Variants in MNAT1 observed in about 807,000 individuals in gnomAD.
The protein encoded by MNAT1 is CDK-activating kinase assembly factor MAT1.
A neutral mutation model predicts 42.0 loss-of-function variants in MNAT1; 43 were observed. The ratio of observed to expected loss-of-function variants is 1.02; its 90% confidence interval spans 0.80 to 1.32. The LOEUF is 1.32. MNAT1 is among the 40% of genes most tolerant of loss of function. MNAT1 has a pLI of 0.00. For missense variants in MNAT1, 306 were observed against 350.4 expected, an observed-to-expected ratio of 0.87 and a Z score of 1.01; for synonymous variants, 118 against 120.0, an observed-to-expected ratio of 0.98 and a Z score of 0.11.
chr14:60,894,720 G>A (rs368030224), intron 7 of MNAT1, among the ~76,000 whole-genome samples: 2 of 152,176 alleles, frequency 1.3e-5, no homozygotes, highest in South Asian at 2.1e-4. Flanking sequence ...GGTGGTGGTA[G>A]GGCCTTCATC....
chr14:60,958,269 T>C (rs1232154263), intron 7 of MNAT1, among the ~76,000 whole-genome samples: 2 of 152,240 alleles, frequency 1.3e-5, no homozygotes, highest in East Asian at 1.9e-4. Context: ...TTGTCCCTCA[T>C]TGGTGAAGGA....
intron 7 of MNAT1, among the ~76,000 whole-genome samples, chr14:60,934,650 T>C (rs562479248): frequency 6.6e-5 from 10 of 152,374 alleles, no homozygotes; most frequent in South Asian, 2.1e-4. Context: ...CCCAGCCATG[T>C]AGAACTATAA....
chr14:60,872,676 T>C (rs1209065740), intron 6 of MNAT1, among the ~76,000 whole-genome samples: 1 of 152,112 alleles, frequency 6.6e-6, no homozygotes, highest in Non-Finnish European at 1.5e-5. Context: ...ATAGCCATTT[T>C]TTTTTTCAAA....
At chr14:60,738,927 T>C (rs998677943) in intron 1 of MNAT1, among the ~76,000 whole-genome samples, 2 of 152,226 alleles carry the variant, frequency 1.3e-5, no homozygotes, top group Non-Finnish European at 2.9e-5. Flanking sequence ...TTTTATAATA[T>C]GCTTGTTAGT....
chr14:60,874,014 A>G (rs1283080347), intron 6 of MNAT1, among the ~76,000 whole-genome samples: 1 of 152,190 alleles, frequency 6.6e-6, no homozygotes, highest in African/African-American at 2.4e-5. Flanking sequence ...GCTTTCTTAT[A>G]AATTATTACA....
chr14:60,941,111 T>G (rs537598868), intron 7 of MNAT1, among the ~76,000 whole-genome samples: 8 of 152,312 alleles, frequency 5.3e-5, no homozygotes, highest in Non-Finnish European at 8.8e-5. Context: ...TTTCTAGTTT[T>G]TATGGTTTTT....
chr14:60,793,196 T>TTTGC (rs1387825912), intron 1 of MNAT1, among the ~76,000 whole-genome samples: 2 of 151,428 alleles, frequency 1.3e-5, no homozygotes, highest in Non-Finnish European at 2.9e-5. Context: ...GTTGTTGTTT[T>TTTGC]TTGCTTGTTT....
At chr14:60,792,130 C>T (rs1199438445) in intron 1 of MNAT1, among the ~76,000 whole-genome samples, 1 of 152,086 alleles carries the variant, frequency 6.6e-6, no homozygotes, top group Non-Finnish European at 1.5e-5. Context: ...TTCTAAAATG[C>T]ACCAGGTGTT....
intron 7 of MNAT1, among the ~76,000 whole-genome samples, chr14:60,882,212 C>A (rs2034566410): frequency 6.6e-6 from 1 of 151,836 alleles, no homozygotes; most frequent in African/African-American, 2.4e-5. Context: ...TTTTTCTACC[C>A]ATTAACCATC....
intron 6 of MNAT1, among the ~76,000 whole-genome samples, chr14:60,849,796 C>T (rs183285369): frequency 2.5e-4 from 38 of 151,836 alleles, no homozygotes; most frequent in South Asian, 1.9e-3. Context: ...ATTTTTTCTT[C>T]GGTAGGAGGT....
Position 60,742,432 on chromosome 14 carries a change from A to G in MNAT1, c.89+7481A>G, listed in dbSNP as rs77642333. Among the ~76,000 whole-genome samples, 26 of 152,240 alleles carry G rather than the reference A, an allele frequency of 1.7e-4. 1 individual carries two copies. In the East Asian group the frequency reaches 4.0e-3, roughly 24 times the overall value. On this transcript the variant is annotated intron_variant, in intron 1 of 7. Transcript: ENST00000261245. ...TATTATTAGTGGTTTCTTTCAGCAT[A>G]TCTTTTATTTGTATTTGTGATTTGT...
intron 6 of MNAT1, among the ~76,000 whole-genome samples, chr14:60,820,517 CATCTT>C (rs2032852184): frequency 6.7e-6 from 1 of 150,318 alleles, no homozygotes; most frequent in Non-Finnish European, 1.5e-5. Flanking sequence ...TACAAGAACT[CATCTT>C]AAGTCTTTTG....
intron 7 of MNAT1, among the ~76,000 whole-genome samples, chr14:60,883,881 A>G (rs1272483701): frequency 6.6e-6 from 1 of 152,118 alleles, no homozygotes; most frequent in Non-Finnish European, 1.5e-5. Context: ...CACTCTTGGC[A>G]TATAGAAATG....
chr14:60,962,461 C>G (rs1227831895), intron 7 of MNAT1, among the ~76,000 whole-genome samples: 1 of 152,164 alleles, frequency 6.6e-6, no homozygotes, highest in African/African-American at 2.4e-5. Context: ...GCACTACCAA[C>G]AACATTGTTC....
At chr14:60,760,071 A>T (rs887336467) in intron 1 of MNAT1, among the ~76,000 whole-genome samples, 4 of 152,190 alleles carry the variant, frequency 2.6e-5, no homozygotes, top group African/African-American at 9.6e-5. Context: ...TAAAGTTGCA[A>T]ACAGTTTTGG....
chr14:60,771,848 C>A (rs1467176479), intron 1 of MNAT1, among the ~76,000 whole-genome samples: 1 of 152,238 alleles, frequency 6.6e-6, no homozygotes, highest in East Asian at 1.9e-4. Flanking sequence ...ATGATGGGCA[C>A]CTAATGAATA....
At position 60,869,023 on chromosome 14, in the gene MNAT1, C is replaced by CATATATATATATATAT. The variant is rs1169429243; in HGVS notation, c.688-10688_688-10673dup. Among the ~76,000 whole-genome samples, 370 of 101,650 alleles carry CATATATATATATATAT rather than the reference C, an allele frequency of 3.6e-3. 3 individuals are homozygous for CATATATATATATATAT. The highest frequency in any genetic ancestry group is 0.018 in the Middle Eastern group (3 of 166). 66.7% of individuals were successfully genotyped at this position (101,650 alleles called of 152,430 possible). On this transcript the variant is annotated intron_variant, in intron 6 of 7. Transcript: ENST00000261245. ...CTTTTTTATATTGTGTTATTTTATA[C>CATATATATATATATAT]ATATATATATATATATATTTTTTTT...
chr14:60,947,733 T>C (rs1391384992), intron 7 of MNAT1, among the ~76,000 whole-genome samples: 1 of 152,186 alleles, frequency 6.6e-6, no homozygotes, highest in Non-Finnish European at 1.5e-5. Flanking sequence ...TTTTAGTTAG[T>C]TTGAAAATCA....
intron 7 of MNAT1, among the ~76,000 whole-genome samples, chr14:60,918,410 G>C (rs180744123): frequency 6.6e-6 from 1 of 150,548 alleles, no homozygotes; most frequent in Non-Finnish European, 1.5e-5. Context: ...GGGTTTCACC[G>C]TTTTAGCCAG....
Sources: allele counts gnomAD v4.1 joint callset (sites outside exome capture counted in the v4.1 genomes callset), GRCh38; gene constraint gnomAD v4.1.1; transcripts MANE v1.5; gene names NCBI Gene and HGNC (gene_info 2026-07-23, HGNC 2026-07-21).